The following FOXN3 variants were observed in gnomAD, a reference collection of about 807,000 sequenced individuals.
FOXN3 encodes the protein forkhead box protein N3.
A neutral mutation model predicts 38.4 loss-of-function variants in FOXN3; 7 were observed. That is an observed-to-expected ratio of 0.18 (90% CI 0.10 to 0.34). The LOEUF (loss-of-function observed/expected upper bound fraction) is 0.34. FOXN3 is among the 10% of genes least tolerant of loss of function. FOXN3 has a pLI of 1.00. For missense variants in FOXN3, 456 were observed against 613.4 expected (o/e 0.74, Z 2.71); for synonymous variants, 230 against 242.2 (o/e 0.95, Z 0.47).
At chr14:89,477,457 A>G (rs1388976414) in intron 1 of FOXN3, among the ~76,000 whole-genome samples, 1 of 152,236 alleles carries the variant, frequency 6.6e-6, no homozygotes, top group Middle Eastern at 3.2e-3. Context: ...TCAACCCTTG[A>G]TAAGAAAGTA....
chr14:89,565,250 T>G (rs999921691), intron 1 of FOXN3, among the ~76,000 whole-genome samples: 1 of 152,038 alleles, frequency 6.6e-6, no homozygotes, highest in African/African-American at 2.4e-5. Flanking sequence ...GAGAAGGGCA[T>G]GGAACAGATC....
At chr14:89,483,463 C>T (rs1017330358) in intron 1 of FOXN3, among the ~76,000 whole-genome samples, 4 of 152,186 alleles carry the variant, frequency 2.6e-5, no homozygotes, top group South Asian at 2.1e-4. Context: ...GGTTGGAATG[C>T]AATAGCGCGA....
intron 4 of FOXN3, among the ~76,000 whole-genome samples, chr14:89,251,615 A>T (rs1347406629): frequency 6.6e-6 from 1 of 152,230 alleles, no homozygotes; most frequent in Non-Finnish European, 1.5e-5. Flanking sequence ...CCAAATATTA[A>T]GAGTACATGG....
chr14:89,337,112 C>G (rs924034668), intron 3 of FOXN3, among the ~76,000 whole-genome samples: 1 of 152,132 alleles, frequency 6.6e-6, no homozygotes, highest in Non-Finnish European at 1.5e-5. Context: ...CATGGTATGC[C>G]GCCAGAATGC....
chr14:89,427,812 A>G (rs947021881), intron 1 of FOXN3, among the ~76,000 whole-genome samples: 1 of 152,130 alleles, frequency 6.6e-6, no homozygotes, highest in African/African-American at 2.4e-5. Flanking sequence ...CACATGGCAC[A>G]GTGGTAATAA....
At chr14:89,174,787 TC>T (rs1887479121) in intron 5 of FOXN3, among the ~76,000 whole-genome samples, 1 of 152,170 alleles carries the variant, frequency 6.6e-6, no homozygotes, top group Non-Finnish European at 1.5e-5. Flanking sequence ...TGGGATTCTT[TC>T]CCCACTTTCC....
chr14:89,428,161 ACTCT>A (rs534791036), intron 1 of FOXN3, among the ~76,000 whole-genome samples: 125 of 152,316 alleles, frequency 8.2e-4, no homozygotes, highest in African/African-American at 3.0e-3. Context: ...AATTTGATGA[ACTCT>A]CTGAGAAACA....
At chr14:89,319,780 C>T (rs942852272) in intron 3 of FOXN3, among the ~76,000 whole-genome samples, 1 of 152,144 alleles carries the variant, frequency 6.6e-6, no homozygotes, top group African/African-American at 2.4e-5. Flanking sequence ...CATCCAAGTG[C>T]TCAGATTTTA....
intron 4 of FOXN3, among the ~76,000 whole-genome samples, chr14:89,212,149 A>C (rs995508941): frequency 8.5e-5 from 13 of 152,228 alleles, no homozygotes; most frequent in Admixed American, 7.9e-4. Flanking sequence ...CAGAACTGTG[A>C]GACAATACAT....
intron 2 of FOXN3, among the ~76,000 whole-genome samples, chr14:89,360,545 A>G (rs1268397702): frequency 2.3e-5 from 3 of 129,444 alleles, no homozygotes; most frequent in Non-Finnish European, 4.9e-5. Flanking sequence ...ACACAGAGGG[A>G]GTGACGGAAG....
At chr14:89,377,948 T>G (rs1316975255) in intron 2 of FOXN3, among the ~76,000 whole-genome samples, 1 of 152,034 alleles carries the variant, frequency 6.6e-6, no homozygotes, top group Non-Finnish European at 1.5e-5. Context: ...GTGGAAGACA[T>G]GTGGGGAAGG....
At chr14:89,505,754 AGCCTCTCT>A (rs1219529981) in intron 1 of FOXN3, among the ~76,000 whole-genome samples, 1 of 151,202 alleles carries the variant, frequency 6.6e-6, no homozygotes, top group Non-Finnish European at 1.5e-5. Flanking sequence ...GGATGTGAGG[AGCCTCTCT>A]GCCTGGCTGC....
At chr14:89,291,766 T>C (rs1358470080) in intron 3 of FOXN3, among the ~76,000 whole-genome samples, 1 of 152,242 alleles carries the variant, frequency 6.6e-6, no homozygotes, top group African/African-American at 2.4e-5. Flanking sequence ...GTTTGCGAAC[T>C]GCGATTGACC....
chr14:89,528,745 A>G (rs1366292415), intron 1 of FOXN3, among the ~76,000 whole-genome samples: 2 of 152,022 alleles, frequency 1.3e-5, no homozygotes, highest in Non-Finnish European at 2.9e-5. Flanking sequence ...GGACACACAC[A>G]CACACCCCTC....
Position 89,168,684 on chromosome 14 carries a change from G to A in FOXN3, c.852-5715C>T, listed in dbSNP as rs756471. Among the ~76,000 whole-genome samples the A allele has an allele frequency of 7.4e-3, 1,123 of 152,270 alleles. 16 individuals carry two copies. The highest frequency in any genetic ancestry group is 0.025 in the African/African-American group (1,035 of 41,560). ...AGTTCCAGTGAAAAGAAAGAATGGAGAAGATTCAATACTTGAATAGAAAAT... is the reference window on the plus strand; with the variant it reads ...AGTTCCAGTGAAAAGAAAGAATGGAAAAGATTCAATACTTGAATAGAAAAT... On this transcript the variant is annotated intron_variant, in intron 5 of 5. Coordinates refer to ENST00000557258, the MANE Select transcript of FOXN3 (RefSeq NM_005197.4).
At position 89,511,280 on chromosome 14, in the gene FOXN3, TTTC is replaced by T. The variant is rs1239514844; in HGVS notation, c.-14-98793_-14-98791del. ...CTTTCTTTCTTTCTTTCTTTCTTTC[TTTC>T]TTTCTTTCTTTCTTTCTTTCTTTCT... On this transcript the variant is annotated intron_variant, in intron 1 of 6. Coordinates refer to the FOXN3 transcript ENST00000345097. Among the ~76,000 whole-genome samples the T allele has an allele frequency of 1.6e-4, 7 of 44,370 alleles. 3 individuals are homozygous for T. In the South Asian group the frequency reaches 2.5e-3, roughly 16 times the overall value. 29.1% of individuals were successfully genotyped at this position (44,370 alleles called of 152,430 possible).
chr14:89,529,015 A>G, intron 1 of FOXN3, among the ~76,000 whole-genome samples: 1 of 152,196 alleles, frequency 6.6e-6, no homozygotes, highest in Admixed American at 6.5e-5. Flanking sequence ...TCATATATCA[A>G]TAAAGTTATT....
intron 1 of FOXN3, among the ~76,000 whole-genome samples, chr14:89,568,172 C>T (rs959991684): frequency 6.6e-6 from 1 of 152,076 alleles, no homozygotes; most frequent in East Asian, 1.9e-4. Flanking sequence ...TTTCCCTCCC[C>T]GCTTCCATTC....
At chr14:89,346,824 C>T (rs535606465) in intron 3 of FOXN3, among the ~76,000 whole-genome samples, 32 of 152,100 alleles carry the variant, frequency 2.1e-4, no homozygotes, top group Non-Finnish European at 4.1e-4. Context: ...AATTGTGTCT[C>T]TTCTCTCATT....
Sources: allele counts gnomAD v4.1 joint callset (sites outside exome capture counted in the v4.1 genomes callset), GRCh38; gene constraint gnomAD v4.1.1; transcripts MANE v1.5; gene names NCBI Gene and HGNC (gene_info 2026-07-23, HGNC 2026-07-21).